ZNF347: variants seen among roughly 807,000 people sequenced by gnomAD.
The protein encoded by ZNF347 is CTD-2620I22.7.
Under a neutral mutation model 12.9 loss-of-function variants are expected in ZNF347, and 19 were observed. The observed-to-expected ratio is 1.47, with a 90% CI of 1.03 to 2.16. The LOEUF is 2.16. Ranked by LOEUF, ZNF347 falls within the 30% of genes most tolerant of loss-of-function variation. ZNF347 has a pLI of 0.00. For synonymous variants in ZNF347, 328 were observed against 340.6 expected (o/e 0.96, Z 0.41); for missense variants, 1,005 against 990.6 (o/e 1.01, Z -0.19).
chr19:53,135,441 C>T lies in ZNF347; in HGVS notation c.*4867G>A, dbSNP rs1043581441. 1 of 151,288 alleles carries T rather than the reference C, an allele frequency of 6.6e-6. No individual in the cohort carries two copies. The highest frequency in any genetic ancestry group is 1.5e-5 in the Non-Finnish European group (1 of 67,948). The allele number at this position is 151,288 out of a possible 1,614,324, so 9.4% of individuals were successfully genotyped here. ...AGACTGGAGTGCAATGGTGGGAACT[C>T]GGCTAACTGCAACATCCGCCTCCCA... On this transcript the variant is annotated 3_prime_UTR_variant, in exon 5 of 5. Transcript: ENST00000334197.
In ZNF347 at chr19:53,137,911, GC is replaced by G. The variant is rs963875597; in HGVS notation, c.*2396del. On this transcript the variant is annotated 3_prime_UTR_variant, in exon 5 of 5. Coordinates refer to ENST00000334197, the MANE Select transcript of ZNF347 (RefSeq NM_032584.3). ...CCTCCTGGGTTCAAGTGATTCTCCT[GC>G]CTCAGCCTCCCGAGTAGCTGGGATT... 2 of 151,470 alleles carry G rather than the reference GC, an allele frequency of 1.3e-5. No homozygotes were observed. Among genetic ancestry groups the G allele is most frequent in the Non-Finnish European group, 2.9e-5 (2 of 67,952 alleles). The allele number at this position is 151,470 out of a possible 1,614,324, so 9.4% of individuals were successfully genotyped here.
chr19:53,148,047 A>C (rs999346779), intron 4 of ZNF347, among the ~76,000 whole-genome samples: 5 of 152,200 alleles, frequency 3.3e-5, no homozygotes, highest in African/African-American at 1.2e-4. Context: ...CAAATCCAGC[A>C]GGAATGTACT....
chr19:53,142,499 C>T lies in ZNF347; in HGVS notation c.329G>A (p.Gly110Glu). ...DLLHKGKSNTGEVFQTVMLER... is the reference protein window; with the variant it reads ...DLLHKGKSNTEEVFQTVMLER... ...CAACATCACTGTTTGGAATACTTCT[C>T]CTGTATTACTCTTCCCTTTGTGTAG... The change falls in exon 5 of 5, where the codon GGA becomes GAA. Residue 110 changes from glycine to glutamate, a missense_variant. By Grantham distance (98) the Gly-to-Glu change is moderately conservative. Coordinates refer to ENST00000334197, the MANE Select transcript of ZNF347 (RefSeq NM_032584.3). 6.2e-7 allele frequency: 1 copy of T among 1,613,376 alleles called. No individual in the cohort carries two copies. The highest frequency in any genetic ancestry group is 8.5e-7 in the Non-Finnish European group (1 of 1,179,796).
Position 53,140,877 on chromosome 19 carries a change from T to C in ZNF347, c.1951A>G (p.Lys651Glu), listed in dbSNP as rs1414854260. ...CCACACTCATTACATTTGTAAGGTT[T>C]TTCACCAGTATGGATGACCTGATGG... is the stretch of plus-strand genomic sequence containing the variant. ...TTHQVIHTGE[K>E]PYKCNECGKV... The change falls in exon 5 of 5, where the codon AAA becomes GAA. Residue 651 changes from lysine (K) to glutamate (E), a missense_variant. Coordinates refer to ENST00000334197, the MANE Select transcript of ZNF347 (RefSeq NM_032584.3). 6.2e-7 allele frequency: 1 copy of C among 1,613,588 alleles called. No individual in the cohort carries two copies. The highest frequency in any genetic ancestry group is 1.3e-5 in the African/African-American group (1 of 74,788).
chr19:53,141,218 C>A lies in ZNF347; in HGVS notation c.1610G>T (p.Gly537Val). ...CTCATTACACATATAAGGCTTCACTCCAGTATGAATTCTTTGATGATTTGC... is the reference window on the plus strand; with the variant it reads ...CTCATTACACATATAAGGCTTCACTACAGTATGAATTCTTTGATGATTTGC... ...HLANHQRIHTGVKPYMCNECG... is the reference protein window; with the variant it reads ...HLANHQRIHTVVKPYMCNECG... The change falls in exon 5 of 5, where the codon GGA (glycine) becomes GTA (valine). Residue 537 changes from glycine to valine, a missense_variant. Physicochemically the swap from Gly to Val is moderately radical, Grantham distance 109. Coordinates refer to ENST00000334197, the MANE Select transcript of ZNF347 (RefSeq NM_032584.3). 2 of 1,608,300 alleles carry A rather than the reference C, an allele frequency of 1.2e-6. No individual in the cohort carries two copies. Among genetic ancestry groups the A allele is most frequent in the Non-Finnish European group, 1.7e-6 (2 of 1,175,704 alleles).
intron 4 of ZNF347, among the ~76,000 whole-genome samples, chr19:53,143,103 C>T (rs975707211): frequency 1.3e-5 from 2 of 152,090 alleles, no homozygotes; most frequent in Non-Finnish European, 2.9e-5. Context: ...ATAAAAAATT[C>T]AAAATGCAGG....
At chr19:53,145,765 G>T (rs573049594) in intron 4 of ZNF347, among the ~76,000 whole-genome samples, 1 of 151,952 alleles carries the variant, frequency 6.6e-6, no homozygotes, top group Non-Finnish European at 1.5e-5. Context: ...GCAAAAAGAG[G>T]AAAGTTTGTA....
rs114702695 is a variant in ZNF347, at chr19:53,152,160, C to A, written c.15+1573G>T. Among the ~76,000 whole-genome samples, 1,084 of 150,862 alleles carry A rather than the reference C, an allele frequency of 7.2e-3. 12 individuals carry two copies. Among genetic ancestry groups the A allele is most frequent in the African/African-American group, 0.024 (991 of 41,036 alleles). On this transcript the variant is annotated intron_variant, in intron 2 of 4. Transcript: ENST00000334197. ...AACACGCACTCACGTCACATATACACAGTTTAGTAATAACAACAGTGAAAA... is the reference window on the plus strand; with the variant it reads ...AACACGCACTCACGTCACATATACAAAGTTTAGTAATAACAACAGTGAAAA...
Position 53,148,741 on chromosome 19 carries a change from T to C in ZNF347, c.211A>G (p.Ser71Gly), listed in dbSNP as rs1429747617. 10 of 1,613,926 alleles carry C rather than the reference T, an allele frequency of 6.2e-6. No homozygotes were observed. In the Admixed American group the frequency reaches 1.7e-4, roughly 27 times the overall value. The change falls in exon 4 of 5, where the codon AGC becomes GGC. Residue 71 changes from serine to glycine, a missense_variant. Physicochemically the swap from Ser to Gly is moderately conservative, Grantham distance 56 (BLOSUM62 0). Coordinates refer to ENST00000334197, the MANE Select transcript of ZNF347 (RefSeq NM_032584.3). ...EQGKEPFTLE[S>G]QVQIAGNPDG... ...GGGTTTCCTGCTATTTGTACTTGGCTCTCCAAAGTGAAAGGCTCCTTCCCT... is the reference window on the plus strand; with the variant it reads ...GGGTTTCCTGCTATTTGTACTTGGCCCTCCAAAGTGAAAGGCTCCTTCCCT...
chr19:53,156,131 G>A (rs1239310857), intron 1 of ZNF347, among the ~76,000 whole-genome samples: 1 of 151,638 alleles, frequency 6.6e-6, no homozygotes, highest in East Asian at 1.9e-4. Flanking sequence ...GGGCACAGTG[G>A]CTCATGCCTG....
chr19:53,144,248 A>G (rs1301851166), intron 4 of ZNF347, among the ~76,000 whole-genome samples: 1 of 152,204 alleles, frequency 6.6e-6, no homozygotes, highest in East Asian at 1.9e-4. Context: ...CACTTCACCT[A>G]TAAGGATACA....
In ZNF347 at chr19:53,138,706, C is replaced by T. The variant is rs1454457341; in HGVS notation, c.*1602G>A. 1 of 152,002 alleles carries T rather than the reference C, an allele frequency of 6.6e-6. No individual in the cohort carries two copies. Among genetic ancestry groups the T allele is most frequent in the Admixed American group, 6.6e-5 (1 of 15,258 alleles). The allele number at this position is 152,002 out of a possible 1,614,324, so 9.4% of individuals were successfully genotyped here. On this transcript the variant is annotated 3_prime_UTR_variant, in exon 5 of 5. Coordinates refer to ENST00000334197, the MANE Select transcript of ZNF347 (RefSeq NM_032584.3). ...AAAAAAAAAATTGTTCTACATCCTCCAACCTAAAAGACTGAGTGTATTGTT... is the reference window on the plus strand; with the variant it reads ...AAAAAAAAAATTGTTCTACATCCTCTAACCTAAAAGACTGAGTGTATTGTT...
At chr19:53,151,804 T>C (rs1011191747) in intron 2 of ZNF347, among the ~76,000 whole-genome samples, 6 of 152,046 alleles carry the variant, frequency 3.9e-5, no homozygotes, top group Non-Finnish European at 4.4e-5. Flanking sequence ...TTTAAAATCA[T>C]GATGTGTGGG....
chr19:53,154,239 T>C (rs1292041842), intron 1 of ZNF347, among the ~76,000 whole-genome samples: 1 of 151,968 alleles, frequency 6.6e-6, no homozygotes, highest in African/African-American at 2.4e-5. Context: ...CCTAGCACTT[T>C]GGGAGGCTGA....
chr19:53,141,620 C>T lies in ZNF347; in HGVS notation c.1208G>A (p.Cys403Tyr). Residue 403 changes from cysteine to tyrosine, a missense_variant, in exon 5 of 5, where the codon TGT (cysteine) becomes TAT (tyrosine). Cys to Tyr is a radical substitution (Grantham distance 194, BLOSUM62 -2). Transcript: ENST00000334197. ...ATHSGEKPYK[C>Y]NECGKVFTQN... is the part of the protein sequence containing the mutation. ...AGTGAAGACCTTGCCACATTCATTA[C>T]ATTTGTAAGGTTTTTCTCCACTGTG... is the stretch of plus-strand genomic sequence containing the variant. 1.2e-6 allele frequency: 2 copies of T among 1,613,940 alleles called. No homozygotes were observed. Among genetic ancestry groups the T allele is most frequent in the South Asian group, 1.1e-5 (1 of 91,036 alleles).
rs1356763613 is a variant in ZNF347 at position 53,148,718 on chromosome 19, G to C, written c.234C>G (p.Asn78Lys). 6.2e-7 allele frequency: 1 copy of C among 1,613,868 alleles called. No homozygotes were observed. Among genetic ancestry groups the C allele is most frequent in the Non-Finnish European group, 8.5e-7 (1 of 1,179,888 alleles). Residue 78 changes from asparagine to lysine, a missense_variant, in exon 4 of 5, where the codon AAC (asparagine) becomes AAG (lysine). Coordinates refer to ENST00000334197, the MANE Select transcript of ZNF347 (RefSeq NM_032584.3). The stretch of plus-strand genomic sequence containing the variant: ...CTTTGATCCATTCCCATCCATCTGG[G>C]TTTCCTGCTATTTGTACTTGGCTCT... Reference protein sequence around the residue: ...TLESQVQIAGNPDGWEWIKAV... With the variant: ...TLESQVQIAGKPDGWEWIKAV...
At chr19:53,151,658 T>C (rs1193093443) in intron 2 of ZNF347, among the ~76,000 whole-genome samples, 2 of 151,946 alleles carry the variant, frequency 1.3e-5, no homozygotes, top group Admixed American at 1.3e-4. Flanking sequence ...TAATTACATA[T>C]ATACACACAT....
chr19:53,141,983 C>T lies in ZNF347; in HGVS notation c.845G>A (p.Ser282Asn), dbSNP rs774833876. The part of the protein sequence containing the change: ...QNSHLASHQR[S>N]HTKEKPYKCY... ...TTTGTAAGGTTTCTCTTTAGTATGA[C>T]TTCTCTGATGACTTGCAAGGTGTGA... The change falls in exon 5 of 5, where the codon AGT (serine) becomes AAT (asparagine). Residue 282 changes from serine (S) to asparagine (N), a missense_variant. Coordinates refer to ENST00000334197, the MANE Select transcript of ZNF347 (RefSeq NM_032584.3). 1 of 1,613,958 alleles carries T rather than the reference C, an allele frequency of 6.2e-7. No homozygotes were observed. Among genetic ancestry groups the T allele is most frequent in the Non-Finnish European group, 8.5e-7 (1 of 1,179,980 alleles).
intron 1 of ZNF347, among the ~76,000 whole-genome samples, chr19:53,154,062 G>A (rs1251876832): frequency 1.3e-5 from 2 of 152,124 alleles, no homozygotes; most frequent in Non-Finnish European, 2.9e-5. Flanking sequence ...ACACGCTGCA[G>A]CAATTGGGAG....
Sources: gnomAD v4.1 joint callset for allele counts (sites outside exome capture counted in the v4.1 genomes callset) on GRCh38, gnomAD v4.1.1 for gene constraint, MANE v1.5 for transcripts, NCBI Gene and HGNC (gene_info 2026-07-23, HGNC 2026-07-21) for gene names.